Variants in FRMD7 observed in about 807,000 individuals in gnomAD.
The protein encoded by FRMD7 is FERM domain-containing protein 7.
Under a neutral mutation model 44.1 loss-of-function variants are expected in FRMD7, and 14 were observed. That is an observed-to-expected ratio of 0.32 (90% confidence interval 0.21 to 0.50). FRMD7 has a LOEUF of 0.50. FRMD7 is among the 20% of genes least tolerant of loss of function. The pLI, the probability that FRMD7 is intolerant of heterozygous loss-of-function variation, is 0.99. For synonymous variants in FRMD7, 212 were observed against 187.4 expected (o/e 1.13, Z -1.07); for missense variants, 501 against 522.3 (o/e 0.96, Z 0.40).
chrX:132,100,074 C>T (rs1928454310), intron 2 of FRMD7, among the ~76,000 whole-genome samples: 1 of 112,253 alleles, frequency 8.9e-6, no homozygotes, highest in East Asian at 2.8e-4. Flanking sequence ...GCATGCATAG[C>T]TGCTCACAGA....
At chrX:132,090,037 T>C (rs903887726) in intron 5 of FRMD7, among the ~76,000 whole-genome samples, 1 of 112,282 alleles carries the variant, frequency 8.9e-6, no homozygotes, top group African/African-American at 3.2e-5. Flanking sequence ...TTATTCATAA[T>C]AGCTAAACTG....
intron 5 of FRMD7, among the ~76,000 whole-genome samples, chrX:132,088,425 C>T (rs983286780): frequency 3.6e-5 from 4 of 110,516 alleles, no homozygotes. Context: ...GTGGCACATG[C>T]CTGTGGTCCC....
chrX:132,082,390 C>G lies in FRMD7; in HGVS notation c.878G>C (p.Cys293Ser). The G allele has an allele frequency of 8.3e-7, 1 of 1,210,193 alleles. No homozygotes were observed. The highest frequency in any genetic ancestry group is 1.1e-6 in the Non-Finnish European group (1 of 894,037). The change falls in exon 9 of 12, where the codon TGC becomes TCC. Residue 293 changes from cysteine to serine, a missense_variant. This residue lies in a region of FRMD7 where 453 missense variants were observed against 452.7 expected (regional missense o/e 1.00). Transcript: ENST00000298542. Reference sequence around the variant, plus strand: ...ATAGCGGAAACTGGAACCCTTGCTGCAGAGTAGGGTTTTGGGCTTTGATTT... The same window carrying G: ...ATAGCGGAAACTGGAACCCTTGCTGGAGAGTAGGGTTTTGGGCTTTGATTT... ...EPKSKPKTLL[C>S]SKGSSFRYSG...
intron 1 of FRMD7, among the ~76,000 whole-genome samples, chrX:132,110,766 C>T (rs143006212): frequency 8.9e-6 from 1 of 112,494 alleles, no homozygotes; most frequent in East Asian, 2.8e-4. Flanking sequence ...CCTCCTTCAA[C>T]ACTCCGTAGC....
rs183679653 is a variant in FRMD7 at position 132,106,584 on chromosome X, C to A, written c.58-5868G>T. On this transcript the variant is annotated intron_variant, in intron 1 of 11. Coordinates refer to ENST00000298542, the MANE Select transcript of FRMD7 (RefSeq NM_194277.3). ...GACATATGCACACAAATGTTCACTG[C>A]AGGATTATTCACAATAGCAAAGACA... Among the ~76,000 whole-genome samples the A allele has an allele frequency of 4.2e-4, 47 of 111,785 alleles. 1 individual carries two copies. Among genetic ancestry groups the A allele is most frequent in the Admixed American group, 4.2e-3 (44 of 10,521 alleles).
intron 7 of FRMD7, 151 bp from the exon 8 acceptor site, chrX:132,084,736 G>A: frequency 2.3e-5 from 11 of 475,319 alleles, no homozygotes; most frequent in Non-Finnish European, 4.2e-5. Context: ...GGTAGGAGCT[G>A]TGGTCAAAGA....
chrX:132,085,870 A>G lies in FRMD7; in HGVS notation c.497+50T>C, dbSNP rs772971422. On this transcript the variant is annotated intron_variant, in intron 6 of 11. Transcript: ENST00000298542. Reference sequence around the variant, plus strand: ...GCTTGCTCTTAAGAGTCTGTCCCCAATTTTAGTGTTCTCTACTGGGGGAAG... The same window carrying G: ...GCTTGCTCTTAAGAGTCTGTCCCCAGTTTTAGTGTTCTCTACTGGGGGAAG... 3.7e-4 allele frequency: 384 copies of G among 1,035,639 alleles called. 1 individual carries two copies. Among genetic ancestry groups the G allele is most frequent in the Admixed American group, 5.5e-4 (25 of 45,506 alleles). The allele number at this position is 1,035,639 out of a possible 1,213,427, so 85.3% of individuals were successfully genotyped here. A position where few individuals can be genotyped will look rare whatever the true frequency, so the allele number is the denominator to read the frequency against.
At position 132,094,112 on chromosome X, in the gene FRMD7, C is replaced by A. The variant is rs1928259578; in HGVS notation, c.312G>T (p.Lys104Asn). 8.6e-7 allele frequency: 1 copy of A among 1,161,027 alleles called. No homozygotes were observed. The change falls in exon 5 of 12, where the codon AAG becomes AAT. Residue 104 changes from lysine (K) to asparagine (N), a missense_variant. By Grantham distance (94) the Lys-to-Asn change is moderately conservative (BLOSUM62 0). Around this residue, in one of 3 missense-constraint regions of FRMD7, gnomAD observed 453 missense variants for 452.7 expected, o/e 1.00. Transcript: ENST00000298542. The stretch of plus-strand genomic sequence containing the variant: ...ATGGAAGCCTTCCTAGAGCCAAATC[C>A]TTCTTTATTTGAAGAGTAAAAAGAT... ...TRYLFTLQIK[K>N]DLALGRLPCS...
chrX:132,099,572 C>A, intron 2 of FRMD7, 62 bp from the exon 3 acceptor site: 1 of 734,863 alleles, frequency 1.4e-6, no homozygotes, highest in Non-Finnish European at 2.1e-6. Flanking sequence ...TTTTTTTTTT[C>A]GGTAATAGAT....
rs780649015 is a variant in FRMD7, at chrX:132,118,093, A to ATGCTTGC, written c.57+9694_57+9695insGCAAGCA. Among the ~76,000 whole-genome samples the ATGCTTGC allele has an allele frequency of 5.5e-3, 615 of 111,610 alleles. 3 individuals carry two copies. Among genetic ancestry groups the ATGCTTGC allele is most frequent in the African/African-American group, 0.018 (561 of 30,682 alleles). On this transcript the variant is annotated intron_variant, in intron 1 of 11. Coordinates refer to ENST00000298542, the MANE Select transcript of FRMD7 (RefSeq NM_194277.3). ...AGTGGTAGTTCTTGCTTGGTAAAGT[A>ATGCTTGC]GTGAAAGAATTATATGAACCCAAAC... is the stretch of plus-strand genomic sequence containing the variant.
At chrX:132,083,312 T>G (rs1373587721) in intron 8 of FRMD7, among the ~76,000 whole-genome samples, 1 of 111,980 alleles carries the variant, frequency 8.9e-6, no homozygotes, top group Non-Finnish European at 1.9e-5. Context: ...GGTTGTCTTG[T>G]ACAATGCTCT....
At chrX:132,118,221 T>C (rs1303522654) in intron 1 of FRMD7, among the ~76,000 whole-genome samples, 1 of 110,942 alleles carries the variant, frequency 9.0e-6, no homozygotes, top group Non-Finnish European at 1.9e-5. Context: ...TACTTGCAGT[T>C]GTATGACCTT....
chrX:132,106,783 A>G (rs892579181), intron 1 of FRMD7, among the ~76,000 whole-genome samples: 7 of 112,220 alleles, frequency 6.2e-5, no homozygotes, highest in Non-Finnish European at 9.4e-5. Flanking sequence ...AAAAAATCAA[A>G]TAATGCAAGT....
At chrX:132,089,520 T>C (rs1252997321) in intron 5 of FRMD7, among the ~76,000 whole-genome samples, 2 of 112,152 alleles carry the variant, frequency 1.8e-5, no homozygotes, top group East Asian at 5.6e-4. Flanking sequence ...ATTTTAAAAC[T>C]GTTGTACTTC....
At chrX:132,079,568 T>TCATCTCAC (rs1279083003) in intron 11 of FRMD7, among the ~76,000 whole-genome samples, 1 of 111,965 alleles carries the variant, frequency 8.9e-6, no homozygotes, top group South Asian at 3.7e-4. Flanking sequence ...AAGGAAGCCA[T>TCATCTCAC]CATCTCACAG....
In FRMD7 at chrX:132,078,887, T is replaced by C. The variant is rs750373967; in HGVS notation, c.1130A>G (p.Glu377Gly). ...NGVHASEPVL[E>G]SRRRNSALEV... ...CAATGCAGAATTCCTCCTCCTACTC[T>C]CCAGCACTGGCTCAGATGCGTGCAC... Residue 377 changes from glutamate (E) to glycine (G), a missense_variant, in exon 12 of 12, where the codon GAG becomes GGG. Physicochemically the swap from Glu to Gly is moderately conservative, Grantham distance 98. Coordinates refer to ENST00000298542, the MANE Select transcript of FRMD7 (RefSeq NM_194277.3). The C allele has an allele frequency of 2.5e-6, 3 of 1,204,242 alleles. No homozygotes were observed. Among genetic ancestry groups the C allele is most frequent in the Non-Finnish European group, 2.2e-6 (2 of 890,258 alleles).
intron 1 of FRMD7, among the ~76,000 whole-genome samples, 174 bp from the exon 2 acceptor site, chrX:132,100,890 T>G (rs1284419961): frequency 8.9e-6 from 1 of 111,903 alleles, no homozygotes; most frequent in Non-Finnish European, 1.9e-5. Flanking sequence ...TCCACTTATC[T>G]GTCTCTGTGT....
intron 1 of FRMD7, among the ~76,000 whole-genome samples, chrX:132,107,117 GA>G (rs1928665968): frequency 8.9e-6 from 1 of 111,936 alleles, no homozygotes; most frequent in Admixed American, 9.5e-5. Context: ...AAGGTTTCAG[GA>G]AAAGATAGAT....
At chrX:132,113,066 G>C (rs1190975171) in intron 1 of FRMD7, among the ~76,000 whole-genome samples, 1 of 111,104 alleles carries the variant, frequency 9.0e-6, no homozygotes, top group Admixed American at 9.6e-5. Flanking sequence ...CCACTCCTGG[G>C]ACATTGAAAT....
Sources: allele counts gnomAD v4.1 joint callset (sites outside exome capture counted in the v4.1 genomes callset), GRCh38; gene constraint gnomAD v4.1.1; regional missense constraint gnomAD v4.1.1; transcripts MANE v1.5; gene names NCBI Gene and HGNC (gene_info 2026-07-23, HGNC 2026-07-21).